The following C3orf70 variants were observed in gnomAD, a reference collection of about 807,000 sequenced individuals.
The protein encoded by C3orf70 is UPF0524 protein C3orf70.
Under a neutral mutation model 20.7 loss-of-function variants are expected in C3orf70, and 15 were observed. The ratio of observed to expected loss-of-function variants is 0.72; its 90% CI spans 0.48 to 1.11. The LOEUF (loss-of-function observed/expected upper bound fraction) is 1.11. Ranked by LOEUF, C3orf70 falls within the 50% of genes most tolerant of loss-of-function variation. C3orf70 has a pLI of 0.00. For missense variants in C3orf70, 332 were observed against 317.6 expected, an observed-to-expected ratio of 1.05 and a Z score of -0.34; for synonymous variants, 161 against 125.7, an observed-to-expected ratio of 1.28 and a Z score of -1.88.
intron 1 of C3orf70, among the ~76,000 whole-genome samples, chr3:185,109,362 C>G (rs1488412471): frequency 1.3e-5 from 2 of 152,144 alleles, no homozygotes; most frequent in African/African-American, 4.8e-5. Flanking sequence ...AGGTCAAAAT[C>G]AACAGCTGAT....
At chr3:185,114,707 A>C (rs1716141857) in intron 1 of C3orf70, among the ~76,000 whole-genome samples, 2 of 152,218 alleles carry the variant, frequency 1.3e-5, no homozygotes, top group African/African-American at 2.4e-5. Flanking sequence ...TGACTGAAAA[A>C]ACCTTGGAAA....
At chr3:185,093,525 G>A (rs1011004648) in intron 1 of C3orf70, among the ~76,000 whole-genome samples, 3 of 152,126 alleles carry the variant, frequency 2.0e-5, no homozygotes, top group African/African-American at 7.2e-5. Context: ...TGAACAACTA[G>A]GGGGAAAGAG....
At chr3:185,094,597 G>T (rs1416867076) in intron 1 of C3orf70, among the ~76,000 whole-genome samples, 1 of 151,706 alleles carries the variant, frequency 6.6e-6, no homozygotes, top group Non-Finnish European at 1.5e-5. Context: ...CTACAGACAC[G>T]GCTAATTCCA....
At chr3:185,149,347 G>A (rs896702925) in intron 1 of C3orf70, among the ~76,000 whole-genome samples, 14 of 147,728 alleles carry the variant, frequency 9.5e-5, no homozygotes, top group Admixed American at 4.1e-4. Context: ...AGCAGACATC[G>A]CGCCACTACA....
At chr3:185,111,240 T>C (rs1716065926) in intron 1 of C3orf70, among the ~76,000 whole-genome samples, 1 of 152,156 alleles carries the variant, frequency 6.6e-6, no homozygotes, top group Admixed American at 6.5e-5. Context: ...AAAGTAAATT[T>C]GATTTCATCA....
intron 1 of C3orf70, among the ~76,000 whole-genome samples, chr3:185,103,624 A>C (rs753387653): frequency 2.0e-5 from 3 of 152,212 alleles, no homozygotes; most frequent in Non-Finnish European, 4.4e-5. Flanking sequence ...CAGAAATGCA[A>C]ATCAAAACCA....
At chr3:185,109,029 C>T (rs1716006247) in intron 1 of C3orf70, among the ~76,000 whole-genome samples, 1 of 152,196 alleles carries the variant, frequency 6.6e-6, no homozygotes, top group Non-Finnish European at 1.5e-5. Flanking sequence ...GAATATTAAA[C>T]ACATTACTGG....
At position 185,112,259 on chromosome 3, in the gene C3orf70, CA is replaced by C. The variant is rs1359914007; in HGVS notation, c.197-28697del. On this transcript the variant is annotated intron_variant, in intron 1 of 1. Coordinates refer to ENST00000335012, the MANE Select transcript of C3orf70 (RefSeq NM_001025266.3). ...GAGCCAAGATCACACCACTGCATTC[CA>C]GCCTGAGCTATAGAGCGAGATTCTG... Among the ~76,000 whole-genome samples the C allele has an allele frequency of 2.0e-5, 3 of 152,262 alleles. No individual in the cohort carries two copies. In the East Asian group the frequency reaches 5.8e-4, roughly 29 times the overall value.
At chr3:185,152,224 G>C (rs1056983933) in intron 1 of C3orf70, among the ~76,000 whole-genome samples, 4 of 152,078 alleles carry the variant, frequency 2.6e-5, no homozygotes, top group Non-Finnish European at 5.9e-5. Context: ...TCTTTAACCA[G>C]CAACCTTGAA....
Position 185,079,306 on chromosome 3 carries a change from T to TAAAAAAAAAAAAAAAAAA in C3orf70, c.*3700_*3701insTTTTTTTTTTTTTTTTTT, listed in dbSNP as rs1321535800. Reference sequence around the variant, plus strand: ...AAAAAAAAAAAAAAAAAAAAAAAAGTAAAGCCACCACTCCCAAGATAGAAT... The same window carrying TAAAAAAAAAAAAAAAAAA: ...AAAAAAAAAAAAAAAAAAAAAAAAGTAAAAAAAAAAAAAAAAAAAAAGCCACCACTCCCAAGATAGAAT... On this transcript the variant is annotated 3_prime_UTR_variant, in exon 2 of 2. Coordinates refer to ENST00000335012, the MANE Select transcript of C3orf70 (RefSeq NM_001025266.3). 24 of 122,814 alleles carry TAAAAAAAAAAAAAAAAAA rather than the reference T, an allele frequency of 2.0e-4. No homozygotes were observed. The highest frequency in any genetic ancestry group is 2.7e-4 in the Non-Finnish European group (16 of 59,526). The allele number at this position is 122,814 out of a possible 1,614,324, so 7.6% of individuals were successfully genotyped here. A position where few individuals can be genotyped will look rare whatever the true frequency, so the allele number is the denominator to read the frequency against.
At chr3:185,126,837 C>A (rs1716421384) in intron 1 of C3orf70, among the ~76,000 whole-genome samples, 1 of 152,138 alleles carries the variant, frequency 6.6e-6, no homozygotes, top group Non-Finnish European at 1.5e-5. Flanking sequence ...AAAACAAGCC[C>A]TGGAGAGATG....
chr3:185,135,733 G>GT (rs35782898), intron 1 of C3orf70, among the ~76,000 whole-genome samples: 10,614 of 152,182 alleles, frequency 0.07, 432 homozygotes, highest in South Asian at 0.1. Context: ...GTCTATGCAT[G>GT]TAACAAAATA....
At chr3:185,109,874 G>C (rs181889891) in intron 1 of C3orf70, among the ~76,000 whole-genome samples, 89 of 152,138 alleles carry the variant, frequency 5.8e-4, no homozygotes, top group African/African-American at 2.1e-3. Context: ...AATAATGAAC[G>C]TACTTGTTTA....
chr3:185,103,195 A>G (rs1305347578), intron 1 of C3orf70, among the ~76,000 whole-genome samples: 2 of 152,206 alleles, frequency 1.3e-5, no homozygotes, highest in African/African-American at 2.4e-5. Context: ...CAGTGAACAG[A>G]GATTGTGCCA....
chr3:185,085,683 C>CA (rs1715444731), intron 1 of C3orf70, among the ~76,000 whole-genome samples: 1 of 140,954 alleles, frequency 7.1e-6, no homozygotes, highest in Non-Finnish European at 1.5e-5. Flanking sequence ...TACTACTTGT[C>CA]AGGCAGAGTT....
intron 1 of C3orf70, among the ~76,000 whole-genome samples, chr3:185,131,393 T>C (rs948485861): frequency 1.3e-5 from 2 of 152,226 alleles, no homozygotes; most frequent in Non-Finnish European, 2.9e-5. Context: ...TATCTTGTTA[T>C]AATAGAGTTT....
At position 185,092,968 on chromosome 3, in the gene C3orf70, C is replaced by G. The variant is rs562799672; in HGVS notation, c.197-9405G>C. ...ATCGTGCTACTGCACTCTAGCCTGG[C>G]GACAAAGCAAGACTCCATCTCAAAA... On this transcript the variant is annotated intron_variant, in intron 1 of 1. Transcript: ENST00000335012. Among the ~76,000 whole-genome samples, 3 of 141,200 alleles carry G rather than the reference C, an allele frequency of 2.1e-5. No homozygotes were observed. The Admixed American group carries it at 2.2e-4, about 10-fold the overall frequency. 92.6% of individuals were successfully genotyped at this position (141,200 alleles called of 152,430 possible).
At chr3:185,089,117 G>A (rs549150578) in intron 1 of C3orf70, among the ~76,000 whole-genome samples, 9 of 152,214 alleles carry the variant, frequency 5.9e-5, no homozygotes, top group Admixed American at 3.3e-4. Flanking sequence ...GCCCAGTAAC[G>A]GCATCTCCAC....
chr3:185,132,893 T>C (rs1430112486), intron 1 of C3orf70, among the ~76,000 whole-genome samples: 1 of 152,072 alleles, frequency 6.6e-6, no homozygotes. Flanking sequence ...GACAGATAAC[T>C]TTCAAAGGAA....
Sources: allele counts gnomAD v4.1 joint callset (sites outside exome capture counted in the v4.1 genomes callset), GRCh38; gene constraint gnomAD v4.1.1; transcripts MANE v1.5; gene names NCBI Gene and HGNC (gene_info 2026-07-23, HGNC 2026-07-21).